C10orf90: variants seen among roughly 807,000 people sequenced by gnomAD.
C10orf90 encodes the protein (E2-independent) E3 ubiquitin-conjugating enzyme FATS.
In C10orf90, 56 loss-of-function variants were observed where a neutral mutation model predicts 62.5. The observed-to-expected ratio is 0.90, with a 90% CI of 0.72 to 1.12. The LOEUF (loss-of-function observed/expected upper bound fraction) is 1.12, where lower values mean the gene tolerates loss of function less well. Ranked by LOEUF, C10orf90 falls within the 50% of genes most tolerant of loss-of-function variation. The pLI, the probability that C10orf90 is intolerant of heterozygous loss-of-function variation, is 0.00. For synonymous variants in C10orf90, 386 were observed against 340.4 expected, an observed-to-expected ratio of 1.13 and a Z score of -1.47; for missense variants, 970 against 880.4, an observed-to-expected ratio of 1.10 and a Z score of -1.29.
At chr10:126,497,227 A>G (rs1377259779) in intron 4 of C10orf90, among the ~76,000 whole-genome samples, 2 of 152,166 alleles carry the variant, frequency 1.3e-5, no homozygotes, top group Non-Finnish European at 2.9e-5. Flanking sequence ...CTGGAGGCCA[A>G]GGTTGAATTG....
intron 2 of C10orf90, among the ~76,000 whole-genome samples, chr10:126,566,157 C>G (rs939767480): frequency 2.6e-5 from 4 of 152,156 alleles, no homozygotes; most frequent in African/African-American, 9.7e-5. Flanking sequence ...ATTATTTCAC[C>G]TGATCCAATT....
intron 1 of C10orf90, among the ~76,000 whole-genome samples, chr10:126,659,461 C>T (rs1276746406): frequency 1.3e-5 from 2 of 152,268 alleles, no homozygotes; most frequent in African/African-American, 4.8e-5. Flanking sequence ...AAATAGCAAG[C>T]GACGTGTTGT....
intron 2 of C10orf90, among the ~76,000 whole-genome samples, chr10:126,628,587 TAGA>T (rs1845792917): frequency 6.6e-6 from 1 of 152,202 alleles, no homozygotes; most frequent in Non-Finnish European, 1.5e-5. Context: ...CTGATCTTGC[TAGA>T]GGTCAGGCTC....
At chr10:126,558,690 T>A (rs1028834071) in intron 2 of C10orf90, among the ~76,000 whole-genome samples, 1 of 152,230 alleles carries the variant, frequency 6.6e-6, no homozygotes, top group Non-Finnish European at 1.5e-5. Flanking sequence ...GTGGCTCCCA[T>A]GTCAAACTCA....
chr10:126,625,626 A>G (rs1433467465), intron 2 of C10orf90, among the ~76,000 whole-genome samples: 1 of 152,180 alleles, frequency 6.6e-6, no homozygotes, highest in East Asian at 1.9e-4. Flanking sequence ...TGAGTTTGCT[A>G]ATGATGTTTG....
chr10:126,585,036 C>A (rs1330249384), intron 2 of C10orf90, among the ~76,000 whole-genome samples: 1 of 151,928 alleles, frequency 6.6e-6, no homozygotes, highest in African/African-American at 2.4e-5. Flanking sequence ...AGATTTCGAT[C>A]TGGGAGACAC....
At chr10:126,500,342 G>A (rs988971386) in intron 4 of C10orf90, among the ~76,000 whole-genome samples, 3 of 152,126 alleles carry the variant, frequency 2.0e-5, no homozygotes, top group Non-Finnish European at 4.4e-5. Flanking sequence ...AGCACCAATT[G>A]GCCACGTGGA....
intron 4 of C10orf90, among the ~76,000 whole-genome samples, chr10:126,482,466 C>G (rs1861219186): frequency 6.6e-6 from 1 of 152,224 alleles, no homozygotes; most frequent in African/African-American, 2.4e-5. Context: ...AAATGGCAAA[C>G]TTGACTAATT....
chr10:126,580,450 G>A (rs1844723142), intron 2 of C10orf90, among the ~76,000 whole-genome samples: 1 of 152,122 alleles, frequency 6.6e-6, no homozygotes, highest in Non-Finnish European at 1.5e-5. Flanking sequence ...TCAGGAGATG[G>A]AGACCATCCT....
intron 7 of C10orf90, among the ~76,000 whole-genome samples, chr10:126,443,725 G>T (rs1294548983): frequency 6.6e-6 from 1 of 151,940 alleles, no homozygotes; most frequent in African/African-American, 2.4e-5. Context: ...AACCAAAACA[G>T]AAAACTACAG....
intron 2 of C10orf90, among the ~76,000 whole-genome samples, chr10:126,575,666 T>C (rs1479665491): frequency 6.6e-6 from 1 of 151,894 alleles, no homozygotes; most frequent in Non-Finnish European, 1.5e-5. Flanking sequence ...TATCAGACTA[T>C]GGTACCTCAA....
intron 2 of C10orf90, among the ~76,000 whole-genome samples, chr10:126,572,242 A>C (rs1254467243): frequency 6.6e-6 from 1 of 152,080 alleles, no homozygotes. Context: ...AATGCGAGTG[A>C]CCTCTGATCA....
intron 7 of C10orf90, among the ~76,000 whole-genome samples, chr10:126,436,933 G>A (rs1023219334): frequency 1.4e-4 from 21 of 152,094 alleles, no homozygotes; most frequent in Non-Finnish European, 2.9e-4. Context: ...CAAAATGCTG[G>A]TATTACAGGT....
At chr10:126,469,911 G>C (rs1463889676) in intron 4 of C10orf90, 2 of 456,662 alleles carry the variant, frequency 4.4e-6, no homozygotes, top group Non-Finnish European at 8.8e-6. Flanking sequence ...CAAGCGAGAG[G>C]CTGCTGCAGA....
rs567934586 is a variant in C10orf90, at chr10:126,500,890, A to G, written c.1534+3067T>C. 2.6e-5 allele frequency among the ~76,000 whole-genome samples: 4 copies of G among 152,308 alleles called. No individual in the cohort carries two copies. In the South Asian group the frequency reaches 8.3e-4, roughly 32 times the overall value. The stretch of plus-strand genomic sequence containing the variant: ...GTCCAACGACCTAATGACTAGAACT[A>G]AAATTGCTTTGCCTCTGTTTGTAGA... On this transcript the variant is annotated intron_variant, in intron 4 of 9. Coordinates refer to ENST00000488181, the MANE Select transcript of C10orf90 (RefSeq NM_001350921.2).
chr10:126,493,019 T>C lies in C10orf90; in HGVS notation c.1534+10938A>G, dbSNP rs140906329. Among the ~76,000 whole-genome samples the C allele has an allele frequency of 2.5e-4, 38 of 152,224 alleles. No homozygotes were observed. The East Asian group carries it at 7.3e-3, about 29-fold the overall frequency. On this transcript the variant is annotated intron_variant, in intron 4 of 9. Coordinates refer to ENST00000488181, the MANE Select transcript of C10orf90 (RefSeq NM_001350921.2). ...TAAGGTTTTTAAAAAGCAGTTTAAA[T>C]AAAGTTATACAATGGAAGCTCACGT...
intron 1 of C10orf90, among the ~76,000 whole-genome samples, chr10:126,666,554 T>C (rs945725317): frequency 6.6e-6 from 1 of 151,560 alleles, no homozygotes; most frequent in Non-Finnish European, 1.5e-5. Context: ...CGAGGAGGGG[T>C]GTGGGAGATG....
At chr10:126,427,124 T>C (rs539032779) in intron 8 of C10orf90, among the ~76,000 whole-genome samples, 3 of 152,332 alleles carry the variant, frequency 2.0e-5, no homozygotes, top group African/African-American at 7.2e-5. Context: ...ATCAAGCTAC[T>C]TGTGAGATCC....
chr10:126,555,292 T>C (rs1191787898), intron 2 of C10orf90, among the ~76,000 whole-genome samples: 1 of 151,968 alleles, frequency 6.6e-6, no homozygotes, highest in African/African-American at 2.4e-5. Context: ...AACAAAAAAA[T>C]AGAGCAGTAT....
Sources: gnomAD v4.1 joint callset for allele counts (sites outside exome capture counted in the v4.1 genomes callset) on GRCh38, gnomAD v4.1.1 for gene constraint, MANE v1.5 for transcripts, NCBI Gene and HGNC (gene_info 2026-07-23, HGNC 2026-07-21) for gene names.